MIGA1: variants seen among roughly 807,000 people sequenced by gnomAD.
The protein encoded by MIGA1 is family with sequence similarity 73, member A.
In MIGA1, 58 loss-of-function variants were observed where a neutral mutation model predicts 82.0. The observed-to-expected ratio is 0.71, with a 90% CI of 0.57 to 0.88. MIGA1 has a LOEUF of 0.88. Among genes scored for constraint, MIGA1 ranks in the 40% least tolerant of loss-of-function variants. MIGA1 has a pLI of 0.00. For missense variants in MIGA1, 751 were observed against 749.1 expected (o/e 1.00, Z -0.03); for synonymous variants, 249 against 253.6 (o/e 0.98, Z 0.17).
rs548943501 is a variant in MIGA1 at position 77,798,356 on chromosome 1, T to A, written c.196-2975T>A. 9.2e-5 allele frequency among the ~76,000 whole-genome samples: 14 copies of A among 152,242 alleles called. No individual in the cohort carries two copies. In the South Asian group the frequency reaches 2.9e-3, roughly 32 times the overall value. The stretch of plus-strand genomic sequence containing the variant: ...TGATAAAGACATACCTGAGACTGGA[T>A]AATTTATAAAGAAAAAGAGGTTTAA... On this transcript the variant is annotated intron_variant, in intron 2 of 15. Transcript: ENST00000370791.
chr1:77,827,233 G>A (rs7523258), intron 7 of MIGA1, among the ~76,000 whole-genome samples: 7,138 of 151,886 alleles, frequency 0.047, 221 homozygotes, highest in African/African-American at 0.094. Context: ...CGACTACCAC[G>A]CCTGACCTAA....
chr1:77,819,834 G>A (rs747603603), intron 7 of MIGA1, among the ~76,000 whole-genome samples: 3 of 151,960 alleles, frequency 2.0e-5, no homozygotes, highest in African/African-American at 4.8e-5. Flanking sequence ...CACCCAACTC[G>A]GCCTTCCATA....
intron 8 of MIGA1, chr1:77,848,325 A>G: frequency 7.7e-7 from 1 of 1,290,676 alleles, no homozygotes; most frequent in Non-Finnish European, 1.1e-6. Context: ...GAGACAACAA[A>G]ATGATCAGAA....
chr1:77,789,196 G>A (rs908681338), intron 2 of MIGA1, among the ~76,000 whole-genome samples: 8 of 144,284 alleles, frequency 5.5e-5, no homozygotes, highest in African/African-American at 2.1e-4. Context: ...TGTGGGGGGC[G>A]GTTGCTTTTT....
At chr1:77,787,684 C>T (rs1682227975) in intron 2 of MIGA1, among the ~76,000 whole-genome samples, 1 of 152,160 alleles carries the variant, frequency 6.6e-6, no homozygotes, top group South Asian at 2.1e-4. Context: ...CCACTTGTGC[C>T]TGGCCCCTTT....
intron 7 of MIGA1, among the ~76,000 whole-genome samples, chr1:77,842,360 G>A (rs769489993): frequency 3.1e-4 from 47 of 152,154 alleles, no homozygotes; most frequent in Non-Finnish European, 4.7e-4. Context: ...TTGATAGGGC[G>A]AGATTAACCA....
intron 10 of MIGA1, 78 bp downstream of exon 10, chr1:77,859,464 A>G (rs1685385200): frequency 1.1e-6 from 1 of 950,602 alleles, no homozygotes; most frequent in Non-Finnish European, 1.7e-6. Context: ...GCAAATAAAC[A>G]GGACAGCTCT....
At chr1:77,798,455 G>A (rs185904544) in intron 2 of MIGA1, among the ~76,000 whole-genome samples, 52 of 152,294 alleles carry the variant, frequency 3.4e-4, no homozygotes, top group African/African-American at 1.1e-3. Flanking sequence ...CTTCCATGGC[G>A]GCAGACAAGA....
intron 12 of MIGA1, chr1:77,861,568 C>A: frequency 2.4e-6 from 1 of 413,128 alleles, no homozygotes. Context: ...GTCCTCCTTC[C>A]CTTGTTCCCT....
Position 77,813,524 on chromosome 1 carries a change from G to A in MIGA1, c.638-210G>A, listed in dbSNP as rs188192564. On this transcript the variant is annotated intron_variant, in intron 5 of 15. Coordinates refer to ENST00000370791, the MANE Select transcript of MIGA1 (RefSeq NM_198549.4). ...TTTTTAAAGAAATGAAAACATATTG[G>A]CCATTTTGTCTCTGATTTTTGGTTA... Among the ~76,000 whole-genome samples the A allele has an allele frequency of 2.1e-3, 315 of 152,188 alleles. 4 individuals carry two copies. The highest frequency in any genetic ancestry group is 1.7e-3 in the Non-Finnish European group (117 of 68,010).
chr1:77,838,480 C>T (rs1684511541), intron 7 of MIGA1, among the ~76,000 whole-genome samples: 1 of 152,120 alleles, frequency 6.6e-6, no homozygotes, highest in Admixed American at 6.5e-5. Flanking sequence ...CAGAGTCTCA[C>T]TCTGTCACCC....
At chr1:77,873,337 G>A (rs1266223646) in intron 15 of MIGA1, among the ~76,000 whole-genome samples, 2 of 152,018 alleles carry the variant, frequency 1.3e-5, no homozygotes, top group African/African-American at 2.4e-5. Context: ...TATAGATTTG[G>A]TGCTTTATTC....
chr1:77,848,515 A>G, intron 8 of MIGA1: 1 of 1,216,422 alleles, frequency 8.2e-7, no homozygotes, highest in Non-Finnish European at 1.2e-6. Context: ...TTCTAGGGCA[A>G]AGAATAAATT....
chr1:77,838,325 C>CTTATTTATTTAT (rs376304871), intron 7 of MIGA1, among the ~76,000 whole-genome samples: 5 of 151,498 alleles, frequency 3.3e-5, no homozygotes, highest in Non-Finnish European at 5.9e-5. Flanking sequence ...TACCTTTTAG[C>CTTATTTATTTAT]TTATTTATTT....
intron 11 of MIGA1, chr1:77,860,970 C>T (rs1685435351): frequency 2.7e-5 from 9 of 334,116 alleles, no homozygotes; most frequent in South Asian, 5.2e-5. Context: ...ATTTTAATTA[C>T]TGACCAAAAT....
At chr1:77,793,985 C>T (rs559557862) in intron 2 of MIGA1, among the ~76,000 whole-genome samples, 148 of 151,006 alleles carry the variant, frequency 9.8e-4, no homozygotes, top group African/African-American at 3.4e-3. Context: ...GGTGGGGTTT[C>T]GCCATGTTGG....
At chr1:77,808,325 C>T (rs1683187031) in intron 5 of MIGA1, among the ~76,000 whole-genome samples, 1 of 151,870 alleles carries the variant, frequency 6.6e-6, no homozygotes, top group Non-Finnish European at 1.5e-5. Context: ...AAGATGTTAC[C>T]TTTATTTATA....
At chr1:77,856,977 T>C (rs1447614773) in intron 8 of MIGA1, among the ~76,000 whole-genome samples, 1 of 152,162 alleles carries the variant, frequency 6.6e-6, no homozygotes, top group African/African-American at 2.4e-5. Context: ...GATTGTCTGT[T>C]TGTGCTCTTT....
intron 4 of MIGA1, among the ~76,000 whole-genome samples, chr1:77,804,708 C>CA (rs1441404113): frequency 6.6e-6 from 1 of 151,682 alleles, no homozygotes; most frequent in Non-Finnish European, 1.5e-5. Flanking sequence ...CAGCTCATTG[C>CA]AACCTCCACC....
Sources: allele counts gnomAD v4.1 joint callset (sites outside exome capture counted in the v4.1 genomes callset), GRCh38; gene constraint gnomAD v4.1.1; transcripts MANE v1.5; gene names NCBI Gene and HGNC (gene_info 2026-07-23, HGNC 2026-07-21).